OR10H5: variants seen among roughly 807,000 people sequenced by gnomAD.
The protein encoded by OR10H5 is olfactory receptor 10H5.
OR10H5 carries 7 observed loss-of-function variants against 12.2 expected under a neutral mutation model. The observed-to-expected ratio is 0.57, with a 90% CI of 0.33 to 1.07. The LOEUF is 1.07. Ranked by LOEUF, OR10H5 falls within the 50% of genes least tolerant of loss-of-function variation. OR10H5 has a pLI of 0.04. For synonymous variants in OR10H5, 159 were observed against 175.1 expected (o/e 0.91, Z 0.73); for missense variants, 346 against 411.6 (o/e 0.84, Z 1.38).
chr19:15,787,835 T>G (rs1004546378), intron 1 of OR10H5, 119 bp downstream of exon 1: 3 of 152,438 alleles, frequency 2.0e-5, no homozygotes, highest in Non-Finnish European at 4.4e-5. Context: ...AGGCACAGGT[T>G]TGGGAAAAGA....
intron 1 of OR10H5, among the ~76,000 whole-genome samples, chr19:15,793,698 T>C (rs1351519317): frequency 6.6e-6 from 1 of 152,014 alleles, no homozygotes; most frequent in African/African-American, 2.4e-5. Context: ...CTGGCCAACA[T>C]GCTGAAACCC....
chr19:15,788,524 G>T (rs2088794357), intron 1 of OR10H5, among the ~76,000 whole-genome samples: 2 of 151,734 alleles, frequency 1.3e-5, no homozygotes, highest in South Asian at 2.1e-4. Context: ...TTTTGGACAG[G>T]GTCTCGCTCT....
intron 1 of OR10H5, among the ~76,000 whole-genome samples, chr19:15,790,196 A>G (rs2088803319): frequency 6.6e-6 from 1 of 151,726 alleles, no homozygotes; most frequent in Non-Finnish European, 1.5e-5. Context: ...GGAGTGCTGG[A>G]GGGTAGGAGG....
Position 15,794,899 on chromosome 19 carries a change from C to T in OR10H5, c.851C>T (p.Pro284Leu). 2 of 1,614,182 alleles carry T rather than the reference C, an allele frequency of 1.2e-6. No homozygotes were observed. The highest frequency in any genetic ancestry group is 1.7e-6 in the Non-Finnish European group (2 of 1,180,040). The change falls in exon 2 of 2, where the codon CCC (proline) becomes CTC (leucine). Residue 284 changes from proline (P) to leucine (L), a missense_variant. Physicochemically the swap from Pro to Leu is moderately conservative, Grantham distance 98 (BLOSUM62 -3). Transcript: ENST00000642092. ...LMGITYTVLTPFLSPIIFSLR... is the reference protein window; with the variant it reads ...LMGITYTVLTLFLSPIIFSLR... Reference sequence around the variant, plus strand: ...GGCATCACCTACACGGTCCTCACACCCTTCCTCAGCCCCATCATCTTCAGC... The same window carrying T: ...GGCATCACCTACACGGTCCTCACACTCTTCCTCAGCCCCATCATCTTCAGC...
At position 15,794,087 on chromosome 19, in the gene OR10H5, C is replaced by A; in HGVS notation, c.39C>A (p.Ile13=). ...ACCACACCTCCGTGTCTGAATTCAT[C>A]CTCGTTGGCTTCTCTGCCTTCCCCC... ...GLNHTSVSEF[I]LVGFSAFPHL... The change falls in exon 2 of 2, where the codon ATC becomes ATA. Residue 13 remains isoleucine, a synonymous_variant. Transcript: ENST00000642092. 1 of 1,614,016 alleles carries A rather than the reference C, an allele frequency of 6.2e-7. No homozygotes were observed. The highest frequency in any genetic ancestry group is 8.5e-7 in the Non-Finnish European group (1 of 1,179,986).
At chr19:15,791,558 G>A (rs976957254) in intron 1 of OR10H5, among the ~76,000 whole-genome samples, 7 of 151,798 alleles carry the variant, frequency 4.6e-5, no homozygotes, top group African/African-American at 1.7e-4. Context: ...TCATTGATAT[G>A]AACAACAGGG....
rs201798966 is a variant in OR10H5, at chr19:15,794,872, T to A, written c.824T>A (p.Met275Lys). The A allele has an allele frequency of 1.1e-4, 171 of 1,614,052 alleles. No homozygotes were observed. The highest frequency in any genetic ancestry group is 1.6e-4 in the Middle Eastern group (1 of 6,084). Reference protein sequence around the residue: ...GPQSPEGDTLMGITYTVLTPF... With the variant: ...GPQSPEGDTLKGITYTVLTPF... ...CAGTCTCCGGAAGGAGACACCTTGA[T>A]GGGCATCACCTACACGGTCCTCACA... is the stretch of plus-strand genomic sequence containing the variant. Residue 275 changes from methionine to lysine, a missense_variant, in exon 2 of 2, where the codon ATG becomes AAG. By Grantham distance (95) the Met-to-Lys change is moderately conservative. Transcript: ENST00000642092.
rs2088832316 is a variant in OR10H5 at position 15,794,982 on chromosome 19, C to G, written c.934C>G (p.Pro312Ala). 6.2e-7 allele frequency: 1 copy of G among 1,613,782 alleles called. No individual in the cohort carries two copies. The highest frequency in any genetic ancestry group is 1.3e-5 in the African/African-American group (1 of 74,928). ...MKKTCFTKLF[P>A]QNC ...GAAGACTTGCTTCACCAAACTCTTT[C>G]CACAGAACTGCTGAAATGGCTGACT... Residue 312 changes from proline to alanine, a missense_variant, in exon 2 of 2, where the codon CCA (proline) becomes GCA (alanine). Pro to Ala is a conservative substitution (Grantham distance 27, BLOSUM62 -1). Transcript: ENST00000642092.
At chr19:15,790,931 G>A (rs764180082) in intron 1 of OR10H5, among the ~76,000 whole-genome samples, 26 of 152,130 alleles carry the variant, frequency 1.7e-4, no homozygotes, top group Non-Finnish European at 1.3e-4. Context: ...GTAAGTATTC[G>A]AAAACGTGCT....
At position 15,794,417 on chromosome 19, in the gene OR10H5, C is replaced by T. The variant is rs147738289; in HGVS notation, c.369C>T (p.Tyr123=). 3.7e-4 allele frequency: 593 copies of T among 1,614,248 alleles called. 1 individual carries two copies. Among genetic ancestry groups the T allele is most frequent in the Admixed American group, 9.3e-4 (56 of 60,022 alleles). The change falls in exon 2 of 2, where the codon TAC becomes TAT. Residue 123 remains tyrosine (Y), a synonymous_variant. Coordinates refer to ENST00000642092, the MANE Select transcript of OR10H5 (RefSeq NM_001004466.2). ...FLLTVMGYDR[Y]VAICHPLRYN... is the part of the protein sequence containing the mutation. ...TCACTGTCATGGGCTACGACCGCTA[C>T]GTGGCCATCTGCCACCCCCTGCGTT...
At position 15,794,491 on chromosome 19, in the gene OR10H5, C is replaced by T. The variant is rs762811247; in HGVS notation, c.443C>T (p.Ser148Phe). The change falls in exon 2 of 2, where the codon TCC becomes TTC. Residue 148 changes from serine (S) to phenylalanine (F), a missense_variant. Ser to Phe is a radical substitution (Grantham distance 155, BLOSUM62 -2). Coordinates refer to ENST00000642092, the MANE Select transcript of OR10H5 (RefSeq NM_001004466.2). ...GGCTGCACCTGCCGGGTGGGCTGCTCCTGGGCTGGTGGCTTGGTCATGGGG... is the reference window on the plus strand; with the variant it reads ...GGCTGCACCTGCCGGGTGGGCTGCTTCTGGGCTGGTGGCTTGGTCATGGGG... ...LRGCTCRVGC[S>F]WAGGLVMGMV... 6.2e-6 allele frequency: 10 copies of T among 1,614,230 alleles called. No individual in the cohort carries two copies. Among genetic ancestry groups the T allele is most frequent in the Non-Finnish European group, 8.5e-6 (10 of 1,180,044 alleles).
At chr19:15,790,945 A>G (rs909798632) in intron 1 of OR10H5, among the ~76,000 whole-genome samples, 3 of 152,198 alleles carry the variant, frequency 2.0e-5, no homozygotes, top group Non-Finnish European at 4.4e-5. Context: ...ACGTGCTATC[A>G]CAACAGTAGC....
intron 1 of OR10H5, among the ~76,000 whole-genome samples, chr19:15,790,742 A>C (rs2088806097): frequency 6.6e-6 from 1 of 152,150 alleles, no homozygotes; most frequent in Non-Finnish European, 1.5e-5. Flanking sequence ...CCTCCAGCCC[A>C]CACATGCTAC....
chr19:15,791,695 A>T lies in OR10H5; in HGVS notation c.-11-2343A>T, dbSNP rs1378033178. On this transcript the variant is annotated intron_variant, in intron 1 of 1. Transcript: ENST00000642092. ...CCCTTTGTTTGCATGAATTATTATT[A>T]TTTTTTTTTTTTTTTGAGACGGAGT... is the stretch of plus-strand genomic sequence containing the variant. 4.5e-4 allele frequency among the ~76,000 whole-genome samples: 65 copies of T among 143,892 alleles called. 1 individual carries two copies. The highest frequency in any genetic ancestry group is 3.6e-3 in the Middle Eastern group (1 of 278). The allele number at this position is 143,892 out of a possible 152,430, so 94.4% of individuals were successfully genotyped here.
At chr19:15,792,043 T>C (rs761939410) in intron 1 of OR10H5, among the ~76,000 whole-genome samples, 2 of 151,450 alleles carry the variant, frequency 1.3e-5, no homozygotes, top group African/African-American at 2.4e-5. Context: ...AAAAAAATCC[T>C]CTCTTTTAGC....
chr19:15,791,884 G>A (rs113851975), intron 1 of OR10H5, among the ~76,000 whole-genome samples: 3,284 of 151,882 alleles, frequency 0.022, 141 homozygotes, highest in African/African-American at 0.076. Flanking sequence ...TAGTAGAAAC[G>A]GGTTTTCACC....
intron 1 of OR10H5, among the ~76,000 whole-genome samples, chr19:15,792,878 C>T (rs1362564497): frequency 6.6e-6 from 1 of 151,848 alleles, no homozygotes; most frequent in Non-Finnish European, 1.5e-5. Flanking sequence ...TTATCCATTT[C>T]TTTTAGGGAT....
At chr19:15,788,342 G>A (rs1600082728) in intron 1 of OR10H5, among the ~76,000 whole-genome samples, 2 of 152,116 alleles carry the variant, frequency 1.3e-5, no homozygotes, top group Non-Finnish European at 1.5e-5. Context: ...CCAGCTTCTG[G>A]GTGCTCTAGG....
chr19:15,793,154 C>G (rs974075302), intron 1 of OR10H5, among the ~76,000 whole-genome samples: 1 of 152,108 alleles, frequency 6.6e-6, no homozygotes, highest in South Asian at 2.1e-4. Flanking sequence ...GCATCTCGCT[C>G]TATCACCCAG....
Sources: allele counts gnomAD v4.1 joint callset (sites outside exome capture counted in the v4.1 genomes callset), GRCh38; gene constraint gnomAD v4.1.1; transcripts MANE v1.5; gene names NCBI Gene and HGNC (gene_info 2026-07-23, HGNC 2026-07-21).